The following ARID3C variants were observed in gnomAD, a reference collection of about 807,000 sequenced individuals.
ARID3C encodes AT-rich interactive domain-containing protein 3C.
In ARID3C, 42 loss-of-function variants were observed where a neutral mutation model predicts 37.9. The observed-to-expected ratio is 1.11, with a 90% confidence interval of 0.87 to 1.43. The LOEUF is 1.43. Ranked by LOEUF, ARID3C falls within the 40% of genes most tolerant of loss-of-function variation. The pLI, the probability that ARID3C is intolerant of heterozygous loss-of-function variation, is 0.00. For missense variants in ARID3C, 581 were observed against 548.8 expected (o/e 1.06, Z -0.59); for synonymous variants, 213 against 228.0 (o/e 0.93, Z 0.59).
At chr9:34,621,501 G>T (rs879042215) in exon 7 of ARID3C, 1 of 1,546,208 alleles carries the variant, frequency 6.5e-7, no homozygotes, top group East Asian at 2.5e-5. Context: ...GGGTGGGGGT[G>T]CAGGGTTGGT....
chr9:34,625,586 G>A (rs1820643666), intron 2 of ARID3C, among the ~76,000 whole-genome samples, 156 bp downstream of exon 3: 1 of 152,054 alleles, frequency 6.6e-6, no homozygotes, highest in Non-Finnish European at 1.5e-5. Context: ...TCCTGGGGTG[G>A]AGGAGGGGGA....
At position 34,622,049 on chromosome 9, in the gene ARID3C, G is replaced by C. The variant is rs373744786; in HGVS notation, c.1109C>G (p.Ala370Gly). The C allele has an allele frequency of 4.3e-6, 7 of 1,613,952 alleles. No individual in the cohort carries two copies. The African/African-American group carries it at 9.3e-5, about 22-fold the overall frequency. ...GTAGACCACCCCGTTGATCTCTAGG[G>C]CCATGTTGATACTGCTGATGCCACT... Residue 370 changes from alanine (A) to glycine (G), a missense_variant, in exon 6 of 7, where the codon GCC (alanine) becomes GGC (glycine). Coordinates refer to ENST00000378909, the Ensembl canonical transcript of ARID3C.
At chr9:34,631,488 C>T (rs1379231969), upstream of ARID3C, among the ~76,000 whole-genome samples, 3 of 152,200 alleles carry the variant, frequency 2.0e-5, no homozygotes, top group Admixed American at 6.5e-5. Flanking sequence ...GAGACCCATG[C>T]TTCATTCATC....
upstream of ARID3C, among the ~76,000 whole-genome samples, chr9:34,632,237 C>A (rs546483435): frequency 9.2e-5 from 14 of 152,250 alleles, no homozygotes; most frequent in African/African-American, 3.1e-4. Context: ...AGGAAGAGAG[C>A]TATGACTACG....
upstream of ARID3C, among the ~76,000 whole-genome samples, chr9:34,628,896 G>A (rs746084436): frequency 6.6e-6 from 1 of 152,064 alleles, no homozygotes; most frequent in African/African-American, 2.4e-5. This position sits in a 1 kb window ranked among gnomAD's most constrained non-coding sequence, Gnocchi z 5.2. Flanking sequence ...CTCGCTCCGG[G>A]CGCCCCGCGG....
exon 4 of ARID3C, chr9:34,623,563 G>A (rs1820608155): frequency 3.7e-6 from 6 of 1,603,938 alleles, no homozygotes; most frequent in Non-Finnish European, 5.1e-6. Context: ...TGAGCGCCCC[G>A]AGGGGGCGGC....
chr9:34,625,889 C>A, intron 1 of ARID3C, 75 bp from the exon 3 acceptor site: 2 of 1,541,596 alleles, frequency 1.3e-6, no homozygotes, highest in Admixed American at 3.4e-5. Context: ...CAGGTTGTAC[C>A]CTGAACAAGG....
chr9:34,627,608 G>A (rs535198716), intron 1 of ARID3C, 89 bp downstream of exon 2: 2 of 1,199,744 alleles, frequency 1.7e-6, no homozygotes, highest in East Asian at 2.4e-5. Context: ...AGGGTGGTGG[G>A]GGTGGGTGGG....
intron 5 of ARID3C, 82 bp downstream of exon 6, chr9:34,622,265 G>A (rs1044577723): frequency 3.3e-5 from 52 of 1,568,794 alleles, no homozygotes; most frequent in Middle Eastern, 2.3e-4. Flanking sequence ...TGTCTGCCCC[G>A]TCTCTAACAC....
At chr9:34,627,971 C>T in exon 1 of ARID3C, 2 of 1,529,934 alleles carry the variant, frequency 1.3e-6, no homozygotes, top group South Asian at 1.2e-5. Context: ...TGGCCCCACC[C>T]CCTGGGCCAG....
exon 4 of ARID3C, chr9:34,623,487 C>A: frequency 1.9e-6 from 3 of 1,544,650 alleles, no homozygotes; most frequent in Non-Finnish European, 2.6e-6. Flanking sequence ...GGAGGTGGAA[C>A]CCTGGGCTGG....
intron 1 of ARID3C, 106 bp downstream of exon 2, chr9:34,627,591 C>T (rs970200787): frequency 9.9e-7 from 1 of 1,011,784 alleles, no homozygotes; most frequent in Non-Finnish European, 1.5e-6. Flanking sequence ...CTCTTTTCAT[C>T]TTGCAGAGGG....
chr9:34,621,543 C>T lies in ARID3C; in HGVS notation c.1154G>A (p.Arg385His), dbSNP rs140797141. ...CTGGGAAGCTGGCACAGGCTGGCGGCGGGCAAAGAGGACACCTGGCAAAGG... is the reference window on the plus strand; with the variant it reads ...CTGGGAAGCTGGCACAGGCTGGCGGTGGGCAAAGAGGACACCTGGCAAAGG... The change falls in exon 7 of 7, where the codon CGC (arginine) becomes CAC (histidine). Residue 385 changes from arginine to histidine, a missense_variant. Coordinates refer to ENST00000378909, the Ensembl canonical transcript of ARID3C. 9.1e-4 allele frequency: 1,426 copies of T among 1,568,072 alleles called. 14 individuals are homozygous for T. In the African/African-American group the frequency reaches 0.015, roughly 17 times the overall value.
upstream of ARID3C, among the ~76,000 whole-genome samples, chr9:34,631,406 AG>A (rs2132317926): frequency 6.6e-6 from 1 of 152,326 alleles, no homozygotes; most frequent in African/African-American, 2.4e-5. Flanking sequence ...ATCTGTGAAA[AG>A]GAAAGGCTGC....
At chr9:34,621,622 C>G in intron 6 of ARID3C, 64 bp from the exon 8 acceptor site, 1 of 1,199,398 alleles carries the variant, frequency 8.3e-7, no homozygotes. Context: ...GGTATGGAAA[C>G]AGAAGAGGGG....
At chr9:34,621,551 G>A (rs1370043980) in exon 7 of ARID3C, 1 of 1,574,190 alleles carries the variant, frequency 6.4e-7, no homozygotes, top group African/African-American at 1.4e-5. Flanking sequence ...GGCGGGCAAA[G>A]AGGACACCTG....
chr9:34,623,815 C>G, intron 3 of ARID3C, 49 bp downstream of exon 4: 1 of 1,511,600 alleles, frequency 6.6e-7, no homozygotes, highest in African/African-American at 1.4e-5. Flanking sequence ...CCTCCCGCCC[C>G]AGGCCGAACC....
chr9:34,625,016 G>A (rs1052599473), intron 2 of ARID3C, among the ~76,000 whole-genome samples: 14 of 152,114 alleles, frequency 9.2e-5, no homozygotes, highest in African/African-American at 2.9e-4. Context: ...AGAGGTGCTG[G>A]GGTGAGGGCC....
At chr9:34,625,632 A>G in intron 2 of ARID3C, 110 bp downstream of exon 3, 1 of 1,194,342 alleles carries the variant, frequency 8.4e-7, no homozygotes, top group East Asian at 2.5e-5. Flanking sequence ...CGAGGGCCCA[A>G]AGGACAGGTG....
Sources: gnomAD v4.1 joint callset for allele counts (sites outside exome capture counted in the v4.1 genomes callset) on GRCh38, gnomAD v4.1.1 for gene constraint, Gnocchi (gnomAD v3.1) non-coding constraint, MANE v1.5 for transcripts, NCBI Gene and HGNC (gene_info 2026-07-23, HGNC 2026-07-21) for gene names.